The following BTG4 variants were observed in gnomAD, a reference collection of about 807,000 sequenced individuals.
BTG4 encodes BTG anti-proliferation factor 4, also known as protein BTG4.
BTG4 carries 10 observed loss-of-function variants against 19.3 expected under a neutral mutation model. That is an observed-to-expected ratio of 0.52 (90% CI 0.32 to 0.88). BTG4 has a LOEUF of 0.88. Among genes scored for constraint, BTG4 ranks in the 40% least tolerant of loss-of-function variants. The probability of loss-of-function intolerance (pLI) is 0.04; values close to 1 mark genes in which losing one functional copy is unlikely to be tolerated. For missense variants in BTG4, 238 were observed against 281.9 expected (o/e 0.84, Z 1.11); for synonymous variants, 91 against 95.7 (o/e 0.95, Z 0.29).
At chr11:111,498,210 G>T (rs1865856174) in intron 2 of BTG4, 75 bp from the exon 3 acceptor site, 22 of 1,519,644 alleles carry the variant, frequency 1.4e-5, no homozygotes, top group Non-Finnish European at 1.9e-5. Context: ...TGCACATACT[G>T]TTCCAATACA....
chr11:111,465,535 T>C (rs1863669924), downstream of BTG4, among the ~76,000 whole-genome samples: 1 of 152,206 alleles, frequency 6.6e-6, no homozygotes, highest in Non-Finnish European at 1.5e-5. Flanking sequence ...ATCTTATAGA[T>C]GAGGGAACTG....
the BTG4 span, among the ~76,000 whole-genome samples, chr11:111,402,626 A>G: frequency 6.6e-6 from 1 of 152,164 alleles, no homozygotes; most frequent in Non-Finnish European, 1.5e-5. Context: ...AGCCTCCTGT[A>G]CCAGCCAAGG....
chr11:111,435,223 C>A, the BTG4 span, among the ~76,000 whole-genome samples: 3 of 152,208 alleles, frequency 2.0e-5, no homozygotes, highest in Admixed American at 2.0e-4. Context: ...CCCAGCAACC[C>A]TGTCCCGTTC....
At chr11:111,498,233 C>A in intron 2 of BTG4, 98 bp from the exon 3 acceptor site, 1 of 1,349,196 alleles carries the variant, frequency 7.4e-7, no homozygotes, top group South Asian at 1.3e-5. Flanking sequence ...TAGCTCCCAC[C>A]TCATCCCCTC....
chr11:111,402,487 A>C, the BTG4 span, among the ~76,000 whole-genome samples: 2 of 152,222 alleles, frequency 1.3e-5, no homozygotes, highest in African/African-American at 2.4e-5. Context: ...AACCAACCTG[A>C]GGAAAAGTGA....
chr11:111,412,575 G>A, the BTG4 span, among the ~76,000 whole-genome samples: 6,017 of 152,288 alleles, frequency 0.04, 129 homozygotes, highest in Middle Eastern at 0.14. Flanking sequence ...TAACATTCAT[G>A]TGGTGCTTAC....
At chr11:111,408,430 C>T in the BTG4 span, among the ~76,000 whole-genome samples, 479 of 152,264 alleles carry the variant, frequency 3.1e-3, 4 homozygotes, top group African/African-American at 0.011. Flanking sequence ...AGACTCACTG[C>T]GGGGAAAACC....
At chr11:111,394,110 C>T in the BTG4 span, among the ~76,000 whole-genome samples, 1 of 152,162 alleles carries the variant, frequency 6.6e-6, no homozygotes. Flanking sequence ...AAGAAATGGC[C>T]ATTGTATTAC....
At chr11:111,439,394 T>C in the BTG4 span, among the ~76,000 whole-genome samples, 1 of 152,042 alleles carries the variant, frequency 6.6e-6, no homozygotes, top group African/African-American at 2.4e-5. Context: ...CCAGAAGGGC[T>C]CTTTAAAGAG....
the BTG4 span, among the ~76,000 whole-genome samples, chr11:111,389,290 T>A: frequency 6.6e-6 from 1 of 152,002 alleles, no homozygotes; most frequent in Non-Finnish European, 1.5e-5. Flanking sequence ...AATAGAAATG[T>A]CAGTGTAGGA....
At chr11:111,440,811 G>A in the BTG4 span, among the ~76,000 whole-genome samples, 2 of 152,250 alleles carry the variant, frequency 1.3e-5, no homozygotes, top group Non-Finnish European at 2.9e-5. Flanking sequence ...AGCACCTGCT[G>A]TAGAGAAGGG....
chr11:111,431,895 G>A, the BTG4 span, among the ~76,000 whole-genome samples: 7 of 152,326 alleles, frequency 4.6e-5, no homozygotes, highest in East Asian at 1.9e-4. Context: ...CTGTCACGAT[G>A]CTTGGTTGGG....
At chr11:111,403,487 T>C in the BTG4 span, among the ~76,000 whole-genome samples, 1 of 152,220 alleles carries the variant, frequency 6.6e-6, no homozygotes, top group East Asian at 1.9e-4. Context: ...AGTTTATTTC[T>C]GGGCCAGAAC....
the BTG4 span, among the ~76,000 whole-genome samples, chr11:111,438,725 A>G: frequency 2.6e-5 from 4 of 152,310 alleles, no homozygotes; most frequent in African/African-American, 9.6e-5. Context: ...CCACAGGAAA[A>G]CCAAAACATT....
the BTG4 span, among the ~76,000 whole-genome samples, chr11:111,444,510 G>A: frequency 6.6e-6 from 1 of 152,108 alleles, no homozygotes; most frequent in Non-Finnish European, 1.5e-5. Context: ...AAAACAAATA[G>A]AAAGAATGAA....
intron 5 of BTG4, among the ~76,000 whole-genome samples, chr11:111,487,709 C>T (rs931007511): frequency 3.3e-5 from 5 of 152,010 alleles, no homozygotes; most frequent in Admixed American, 3.3e-4. Flanking sequence ...TTTAGAAAAA[C>T]CTAAAGACTC....
intron 5 of BTG4, among the ~76,000 whole-genome samples, chr11:111,471,037 A>C (rs968920480): frequency 6.6e-6 from 1 of 152,218 alleles, no homozygotes; most frequent in African/African-American, 2.4e-5. Flanking sequence ...CCTGCACTAA[A>C]GGTTAATTCA....
At chr11:111,473,407 T>C (rs936967511) in intron 5 of BTG4, 21 of 152,516 alleles carry the variant, frequency 1.4e-4, no homozygotes, top group Admixed American at 1.1e-3. Flanking sequence ...AGAAATCAAT[T>C]TGGGAGTGAA....
At chr11:111,436,335 G>A in the BTG4 span, among the ~76,000 whole-genome samples, 3 of 152,292 alleles carry the variant, frequency 2.0e-5, no homozygotes, top group East Asian at 5.8e-4. Flanking sequence ...GGGGACTTTT[G>A]GACAGGCACA....
Sources: gnomAD v4.1 joint callset for allele counts (sites outside exome capture counted in the v4.1 genomes callset) on GRCh38, gnomAD v4.1.1 for gene constraint, MANE v1.5 for transcripts, NCBI Gene and HGNC (gene_info 2026-07-23, HGNC 2026-07-21) for gene names.